The following CAMK4 variants were observed in gnomAD, a reference collection of about 807,000 sequenced individuals.
CAMK4 encodes the protein calcium/calmodulin-dependent protein kinase type IV.
In CAMK4, 22 loss-of-function variants were observed where a neutral mutation model predicts 44.9. The ratio of observed to expected loss-of-function variants is 0.49; its 90% CI spans 0.35 to 0.70. The LOEUF (loss-of-function observed/expected upper bound fraction) is 0.70. Among genes scored for constraint, CAMK4 ranks in the 30% least tolerant of loss-of-function variants. CAMK4 has a pLI of 0.01. For synonymous variants in CAMK4, 218 were observed against 215.4 expected (o/e 1.01, Z -0.11); for missense variants, 498 against 586.8 (o/e 0.85, Z 1.56).
chr5:111,268,778 C>T (rs969709986), intron 1 of CAMK4, among the ~76,000 whole-genome samples: 55 of 152,104 alleles, frequency 3.6e-4, no homozygotes, highest in Admixed American at 1.1e-3. Context: ...AGACATCTAA[C>T]TTAGTATTCC....
chr5:111,464,966 C>T (rs1199855584), intron 7 of CAMK4, among the ~76,000 whole-genome samples: 1 of 152,090 alleles, frequency 6.6e-6, no homozygotes, highest in Non-Finnish European at 1.5e-5. Flanking sequence ...GCTTTGTGAA[C>T]ACTCCCAAAC....
chr5:111,350,212 C>T (rs985811386), intron 2 of CAMK4, among the ~76,000 whole-genome samples: 2 of 151,914 alleles, frequency 1.3e-5, no homozygotes, highest in African/African-American at 4.8e-5. Flanking sequence ...AAATATTTCC[C>T]ACCACATAGG....
At chr5:111,346,265 A>C (rs1749859733) in intron 2 of CAMK4, among the ~76,000 whole-genome samples, 1 of 151,910 alleles carries the variant, frequency 6.6e-6, no homozygotes, top group Non-Finnish European at 1.5e-5. Context: ...GAAAAAAAAC[A>C]AAAGGGTTCA....
chr5:111,349,461 A>T (rs1468995597), intron 2 of CAMK4, among the ~76,000 whole-genome samples: 1 of 152,010 alleles, frequency 6.6e-6, no homozygotes, highest in Non-Finnish European at 1.5e-5. Context: ...GGGGACAACC[A>T]GTGTTTTATA....
chr5:111,247,862 A>G (rs557784996), intron 1 of CAMK4, among the ~76,000 whole-genome samples: 1 of 152,328 alleles, frequency 6.6e-6, no homozygotes, highest in East Asian at 1.9e-4. Flanking sequence ...ACATAAAACT[A>G]TCACAGATGT....
rs376887834 is a variant in CAMK4, at chr5:111,419,924, T to C, written c.459+25142T>C. ...TTGGCTTAGGATTGACTTGGCGATGTGGGCTCTTTTTTGGTTCCATATGAA... is the reference window on the plus strand; with the variant it reads ...TTGGCTTAGGATTGACTTGGCGATGCGGGCTCTTTTTTGGTTCCATATGAA... On this transcript the variant is annotated intron_variant, in intron 5 of 10. Coordinates refer to ENST00000282356, the MANE Select transcript of CAMK4 (RefSeq NM_001744.6). Among the ~76,000 whole-genome samples the C allele has an allele frequency of 1.4e-3, 210 of 152,278 alleles. 6 individuals are homozygous for C. The South Asian group carries it at 0.042, about 30-fold the overall frequency.
intron 2 of CAMK4, among the ~76,000 whole-genome samples, chr5:111,366,397 G>A (rs1294249129): frequency 6.6e-6 from 1 of 152,128 alleles, no homozygotes; most frequent in African/African-American, 2.4e-5. Context: ...AAGAGTGTTT[G>A]AACTTCCAGA....
intron 1 of CAMK4, among the ~76,000 whole-genome samples, chr5:111,267,463 TC>T (rs1172595217): frequency 6.6e-6 from 1 of 152,138 alleles, no homozygotes; most frequent in Non-Finnish European, 1.5e-5. Flanking sequence ...ACGCCTGTAA[TC>T]CCAGCACTTT....
At chr5:111,452,190 A>C (rs1163840346) in intron 7 of CAMK4, among the ~76,000 whole-genome samples, 5 of 152,242 alleles carry the variant, frequency 3.3e-5, no homozygotes, top group Non-Finnish European at 5.9e-5. Context: ...GAGGATTGGC[A>C]GCATCTGGTG....
intron 2 of CAMK4, among the ~76,000 whole-genome samples, chr5:111,360,618 C>G (rs1750554201): frequency 6.6e-6 from 1 of 152,072 alleles, no homozygotes; most frequent in Non-Finnish European, 1.5e-5. Flanking sequence ...CTCTTACAAG[C>G]TTTTAAACTG....
intron 1 of CAMK4, among the ~76,000 whole-genome samples, chr5:111,332,514 A>G (rs546776111): frequency 6.6e-6 from 1 of 151,618 alleles, no homozygotes; most frequent in South Asian, 2.1e-4. Context: ...AGTCTTTGCT[A>G]TTGTGAGTAG....
At chr5:111,394,631 T>C in intron 4 of CAMK4, 79 bp from the exon 5 acceptor site, 1 of 919,562 alleles carries the variant, frequency 1.1e-6, no homozygotes, top group Non-Finnish European at 1.7e-6. Flanking sequence ...ATCTTTAACA[T>C]TAATTTACTT....
intron 1 of CAMK4, among the ~76,000 whole-genome samples, chr5:111,325,276 G>T (rs1014133898): frequency 6.6e-6 from 1 of 151,954 alleles, no homozygotes; most frequent in African/African-American, 2.4e-5. Context: ...GGGCATTTGG[G>T]TTGGTTCCAA....
intron 7 of CAMK4, among the ~76,000 whole-genome samples, chr5:111,471,225 AACTTTT>A (rs1755055165): frequency 6.9e-6 from 1 of 145,582 alleles, no homozygotes; most frequent in African/African-American, 2.8e-5. Context: ...AACTTTGCTC[AACTTTT>A]AATTTTTCAG....
At chr5:111,254,698 A>G (rs967463976) in intron 1 of CAMK4, among the ~76,000 whole-genome samples, 2 of 152,148 alleles carry the variant, frequency 1.3e-5, no homozygotes, top group Admixed American at 6.5e-5. Context: ...CAGCTCCCCC[A>G]GGCGAAGGAG....
chr5:111,417,475 C>G (rs2112908734), intron 5 of CAMK4, among the ~76,000 whole-genome samples: 1 of 152,058 alleles, frequency 6.6e-6, no homozygotes, highest in South Asian at 2.1e-4. Context: ...CTTGGCCTCC[C>G]AAAGTGCTGG....
chr5:111,295,150 G>A (rs531796639), intron 1 of CAMK4, among the ~76,000 whole-genome samples: 28 of 152,188 alleles, frequency 1.8e-4, no homozygotes, highest in African/African-American at 3.6e-4. Context: ...ATGATAATTC[G>A]CCCAAATTGG....
chr5:111,484,070 C>A lies in CAMK4; in HGVS notation c.1026C>A (p.Ala342=). Residue 342 remains alanine, a synonymous_variant, in exon 11 of 11, where the codon GCC becomes GCA. Transcript: ENST00000282356. The surrounding 1 kb of genome is among the most constrained non-coding windows in gnomAD (Gnocchi z 5.3). ...AVVASSRLGS[A]SSSHGSIQES... ...TGGCCTCTTCGCGCCTGGGAAGTGCCAGCAGCAGCCATGGCAGCATCCAGG... is the reference window on the plus strand; with the variant it reads ...TGGCCTCTTCGCGCCTGGGAAGTGCAAGCAGCAGCCATGGCAGCATCCAGG... 2 of 1,608,684 alleles carry A rather than the reference C, an allele frequency of 1.2e-6. No homozygotes were observed. The highest frequency in any genetic ancestry group is 4.5e-5 in the East Asian group (2 of 44,838).
At position 111,388,462 on chromosome 5, in the gene CAMK4, C is replaced by T. The variant is rs115197433; in HGVS notation, c.387-6248C>T. 6.2e-3 allele frequency among the ~76,000 whole-genome samples: 945 copies of T among 152,202 alleles called. 4 individuals are homozygous for T. Among genetic ancestry groups the T allele is most frequent in the African/African-American group, 0.021 (876 of 41,530 alleles). The stretch of plus-strand genomic sequence containing the variant: ...GGATGAATATCACCACTTTCTTCTT[C>T]CATACCTATCCCGACCCCCAACTGC... On this transcript the variant is annotated intron_variant, in intron 4 of 10. Transcript: ENST00000282356.
Sources: allele counts gnomAD v4.1 joint callset (sites outside exome capture counted in the v4.1 genomes callset), GRCh38; gene constraint gnomAD v4.1.1; non-coding constraint Gnocchi (gnomAD v3.1); transcripts MANE v1.5; gene names NCBI Gene and HGNC (gene_info 2026-07-23, HGNC 2026-07-21).